Variants in SOX5 observed in about 807,000 individuals in gnomAD.
SOX5 encodes transcription factor SOX-5.
SOX5 carries 9 observed loss-of-function variants against 92.0 expected under a neutral mutation model. That is an observed-to-expected ratio of 0.10 (90% CI 0.06 to 0.17). SOX5 has a LOEUF of 0.17. SOX5 is among the 10% of genes least tolerant of loss of function. SOX5 has a pLI of 1.00. For missense variants in SOX5, 642 were observed against 944.5 expected (o/e 0.68, Z 4.20); for synonymous variants, 344 against 336.3 (o/e 1.02, Z -0.25).
chr12:23,645,730 G>A (rs964894068), intron 7 of SOX5, among the ~76,000 whole-genome samples: 4 of 151,932 alleles, frequency 2.6e-5, no homozygotes, highest in African/African-American at 7.3e-5. Context: ...ATTAATGAAT[G>A]TGTATTAATG....
chr12:23,534,332 G>C lies in SOX5; in HGVS notation c.2179C>G (p.Gln727Glu), dbSNP rs779334524. The C allele has an allele frequency of 8.1e-6, 13 of 1,614,086 alleles. No homozygotes were observed. Among genetic ancestry groups the C allele is most frequent in the Non-Finnish European group, 1.1e-5 (13 of 1,179,972 alleles). ...GEEPHIKEEI[Q>E]AEDINGEIYD... ...ATTTCTCCATTGATGTCCTCGGCCT[G>C]TATCTCTTCTTTGATATGTGGCTCC... is the stretch of plus-strand genomic sequence containing the variant. Residue 727 changes from glutamine to glutamate, a missense_variant, in exon 15 of 15, where the codon CAG becomes GAG. Coordinates refer to ENST00000451604, the MANE Select transcript of SOX5 (RefSeq NM_006940.6).
chr12:23,586,592 T>C (rs1950779907), intron 9 of SOX5, among the ~76,000 whole-genome samples: 1 of 152,054 alleles, frequency 6.6e-6, no homozygotes, highest in South Asian at 2.1e-4. Context: ...GTTTAAATTT[T>C]ATAACTTTTC....
At chr12:24,303,287 C>G (rs1948196998) in intron 2 of SOX5, among the ~76,000 whole-genome samples, 1 of 152,070 alleles carries the variant, frequency 6.6e-6, no homozygotes, top group African/African-American at 2.4e-5. Flanking sequence ...CTGATTTCTC[C>G]TACCCAAAAG....
At chr12:24,212,286 T>C (rs60030829) in intron 4 of SOX5, 5,360 of 474,264 alleles carry the variant, frequency 0.011, 244 homozygotes, top group African/African-American at 0.1. Flanking sequence ...CATAACAAAA[T>C]CTCTGAGGCA....
rs188947618 is a variant in SOX5, at chr12:23,768,159, A to C, written c.482-12435T>G. ...AGTGCAATGAAACATAAGCAGTTAA[A>C]AAATTAAGGTATAGATCAGTATTTC... is the stretch of plus-strand genomic sequence containing the variant. On this transcript the variant is annotated intron_variant, in intron 3 of 14. Transcript: ENST00000451604. Among the ~76,000 whole-genome samples, 49 of 152,268 alleles carry C rather than the reference A, an allele frequency of 3.2e-4. 1 individual carries two copies. The highest frequency in any genetic ancestry group is 1.1e-3 in the African/African-American group (46 of 41,550).
intron 4 of SOX5, among the ~76,000 whole-genome samples, chr12:24,022,154 C>T (rs1417181668): frequency 1.3e-5 from 2 of 152,086 alleles, no homozygotes; most frequent in South Asian, 2.1e-4. Context: ...TAACATCTCA[C>T]GTGTTATTTA....
intron 7 of SOX5, among the ~76,000 whole-genome samples, chr12:23,649,090 C>T (rs1446473811): frequency 1.3e-5 from 2 of 151,964 alleles, no homozygotes; most frequent in African/African-American, 2.4e-5. Flanking sequence ...CTCCTGGTTA[C>T]AACAAAGTGA....
At position 24,363,475 on chromosome 12, in the gene SOX5, A is replaced by C. The variant is rs79238876; in HGVS notation, c.-174+5088T>G. 6.9e-3 allele frequency among the ~76,000 whole-genome samples: 1,056 copies of C among 152,310 alleles called. 9 individuals are homozygous for C. Among genetic ancestry groups the C allele is most frequent in the Non-Finnish European group, 0.011 (755 of 68,010 alleles). The stretch of plus-strand genomic sequence containing the variant: ...TTGAGTAGAAAGAGCAGGTTGAAAT[A>C]GTCAGCATTTATAAGCCCACTGGTT... On this transcript the variant is annotated intron_variant, in intron 2 of 4. Transcript: ENST00000446891.
intron 9 of SOX5, chr12:23,582,298 C>G (rs1350925094): frequency 1.0e-6 from 1 of 984,548 alleles, no homozygotes; most frequent in African/African-American, 1.8e-5. Flanking sequence ...CTAGAAGAAA[C>G]AAAACAAACA....
At chr12:23,801,575 A>G (rs2095659667) in intron 3 of SOX5, among the ~76,000 whole-genome samples, 1 of 152,172 alleles carries the variant, frequency 6.6e-6, no homozygotes. Context: ...GTAGTCAAAT[A>G]TTAGGATATT....
intron 1 of SOX5, among the ~76,000 whole-genome samples, chr12:24,402,984 A>G (rs906598945): frequency 2.0e-5 from 3 of 152,164 alleles, no homozygotes; most frequent in Non-Finnish European, 4.4e-5. Context: ...CTCTTCCCCT[A>G]CATGAAAATC....
chr12:24,487,876 T>C (rs924154182), intron 1 of SOX5, among the ~76,000 whole-genome samples: 1 of 152,216 alleles, frequency 6.6e-6, no homozygotes, highest in Non-Finnish European at 1.5e-5. Flanking sequence ...ACAAAAACTT[T>C]CAATAGAATT....
In SOX5 at chr12:24,198,323, C is replaced by T. The variant is rs571488280; in HGVS notation, c.-2+15020G>A. On this transcript the variant is annotated intron_variant, in intron 4 of 4. Coordinates refer to the SOX5 transcript ENST00000446891. ...TCTTTTCCACTTGGATAATGATTTGCTATTTTTCAAACAGATATTTGGGAA... is the reference window on the plus strand; with the variant it reads ...TCTTTTCCACTTGGATAATGATTTGTTATTTTTCAAACAGATATTTGGGAA... 1.6e-4 allele frequency among the ~76,000 whole-genome samples: 24 copies of T among 152,216 alleles called. No individual in the cohort carries two copies. In the South Asian group the frequency reaches 4.8e-3, roughly 30 times the overall value.
At chr12:23,960,389 G>T (rs923926634) in intron 4 of SOX5, among the ~76,000 whole-genome samples, 11 of 150,888 alleles carry the variant, frequency 7.3e-5, no homozygotes, top group African/African-American at 2.7e-4. Flanking sequence ...AATTACAAAT[G>T]CAATTCTACT....
chr12:23,613,741 T>A (rs2137829458), intron 8 of SOX5, among the ~76,000 whole-genome samples: 1 of 152,334 alleles, frequency 6.6e-6, no homozygotes, highest in Non-Finnish European at 1.5e-5. Context: ...GGTATTATGC[T>A]ATGCTAAGCA....
intron 4 of SOX5, among the ~76,000 whole-genome samples, chr12:24,149,177 T>A (rs536469194): frequency 6.6e-6 from 1 of 152,244 alleles, no homozygotes; most frequent in African/African-American, 2.4e-5. Context: ...GAGGCAAATA[T>A]TGCTTGGATA....
chr12:23,798,410 CAG>C (rs1421722695), intron 3 of SOX5, among the ~76,000 whole-genome samples: 2 of 151,992 alleles, frequency 1.3e-5, no homozygotes, highest in Non-Finnish European at 2.9e-5. Context: ...GTTTTAGAGG[CAG>C]AGACTTACAT....
At chr12:24,305,295 G>A (rs1400275198) in intron 2 of SOX5, among the ~76,000 whole-genome samples, 2 of 152,122 alleles carry the variant, frequency 1.3e-5, no homozygotes, top group East Asian at 1.9e-4. Context: ...CCTTGAACAC[G>A]CCTAAGTGTA....
At chr12:23,796,907 TTA>T (rs35601076) in intron 3 of SOX5, among the ~76,000 whole-genome samples, 1 of 144,276 alleles carries the variant, frequency 6.9e-6, no homozygotes, top group Non-Finnish European at 1.5e-5. Flanking sequence ...ATATATATAT[TTA>T]TATATATATA....
Sources: allele counts gnomAD v4.1 joint callset (sites outside exome capture counted in the v4.1 genomes callset), GRCh38; gene constraint gnomAD v4.1.1; transcripts MANE v1.5; gene names NCBI Gene and HGNC (gene_info 2026-07-23, HGNC 2026-07-21).